The following TBC1D12 variants were observed in gnomAD, a reference collection of about 807,000 sequenced individuals.
The protein encoded by TBC1D12 is TBC1 domain family, member 12.
Under a neutral mutation model 86.7 loss-of-function variants are expected in TBC1D12, and 56 were observed. That is an observed-to-expected ratio of 0.65 (90% confidence interval 0.52 to 0.81). TBC1D12 has a LOEUF of 0.81. Ranked by LOEUF, TBC1D12 falls within the 30% of genes least tolerant of loss-of-function variation. TBC1D12 has a pLI of 0.00. For synonymous variants in TBC1D12, 421 were observed against 411.7 expected, an observed-to-expected ratio of 1.02 and a Z score of -0.27; for missense variants, 1,023 against 1,038.8, an observed-to-expected ratio of 0.98 and a Z score of 0.21.
At chr10:94,472,758 G>C (rs374237341) in intron 2 of TBC1D12, among the ~76,000 whole-genome samples, 8 of 152,110 alleles carry the variant, frequency 5.3e-5, no homozygotes, top group African/African-American at 1.9e-4. Flanking sequence ...AAAGAAATGA[G>C]TGACATTATT....
At chr10:94,512,724 G>C (rs2056541158) in intron 9 of TBC1D12, among the ~76,000 whole-genome samples, 1 of 152,216 alleles carries the variant, frequency 6.6e-6, no homozygotes, top group Admixed American at 6.5e-5. Flanking sequence ...GGGTGGGGCA[G>C]GTTGTAGTAT....
chr10:94,503,524 A>T lies in TBC1D12; in HGVS notation c.1519+3197A>T, dbSNP rs180864743. On this transcript the variant is annotated intron_variant, in intron 6 of 12. Coordinates refer to ENST00000225235, the MANE Select transcript of TBC1D12 (RefSeq NM_015188.2). ...AAATTAAATGTTTACCCTTTGTCTG[A>T]AAAGCAATGCCAACTTTGGATATTA... Among the ~76,000 whole-genome samples, 1,067 of 152,354 alleles carry T rather than the reference A, an allele frequency of 7.0e-3. 5 individuals are homozygous for T. Among genetic ancestry groups the T allele is most frequent in the Non-Finnish European group, 0.012 (818 of 68,036 alleles).
intron 5 of TBC1D12, among the ~76,000 whole-genome samples, chr10:94,498,164 C>T (rs549694589): frequency 1.7e-3 from 263 of 152,010 alleles, no homozygotes; most frequent in African/African-American, 5.9e-3. Flanking sequence ...AATTGTAAGA[C>T]GCACTATTGA....
At chr10:94,520,300 C>T (rs904917338) in intron 9 of TBC1D12, among the ~76,000 whole-genome samples, 1 of 151,868 alleles carries the variant, frequency 6.6e-6, no homozygotes, top group Admixed American at 6.6e-5. Context: ...CGCCTGTAAT[C>T]CCAGCACTTT....
At chr10:94,454,462 C>T (rs531116957) in intron 2 of TBC1D12, among the ~76,000 whole-genome samples, 3 of 152,282 alleles carry the variant, frequency 2.0e-5, no homozygotes, top group African/African-American at 4.8e-5. Context: ...CCACCCGCCT[C>T]GGCCTCCCAA....
chr10:94,437,179 T>G (rs890390259), intron 1 of TBC1D12, among the ~76,000 whole-genome samples: 2 of 152,168 alleles, frequency 1.3e-5, no homozygotes, highest in African/African-American at 4.8e-5. Flanking sequence ...TACCTCTCAC[T>G]TATTGTTTTC....
chr10:94,467,218 C>T (rs946392516), intron 2 of TBC1D12, among the ~76,000 whole-genome samples: 2 of 151,624 alleles, frequency 1.3e-5, no homozygotes, highest in Admixed American at 6.6e-5. Flanking sequence ...AGTGTGTAGT[C>T]GAGTTTTTTT....
intron 1 of TBC1D12, among the ~76,000 whole-genome samples, chr10:94,406,175 A>G (rs1044198395): frequency 3.3e-5 from 5 of 151,960 alleles, no homozygotes; most frequent in African/African-American, 9.7e-5. Flanking sequence ...TTTTTCTTTC[A>G]TTTCCCATGT....
intron 1 of TBC1D12, among the ~76,000 whole-genome samples, chr10:94,425,276 G>A (rs1399716277): frequency 6.6e-6 from 1 of 152,100 alleles, no homozygotes; most frequent in Non-Finnish European, 1.5e-5. Flanking sequence ...TTTTTGGCGT[G>A]ATGGAAGTGT....
At chr10:94,489,383 G>A (rs2056215512) in intron 3 of TBC1D12, among the ~76,000 whole-genome samples, 1 of 152,226 alleles carries the variant, frequency 6.6e-6, no homozygotes, top group African/African-American at 2.4e-5. Context: ...ACTGCCAGGG[G>A]TTGGGGGAGG....
At chr10:94,521,861 T>C in intron 9 of TBC1D12, 94 bp from the exon 10 acceptor site, 5 of 1,145,896 alleles carry the variant, frequency 4.4e-6, no homozygotes, top group Non-Finnish European at 5.8e-6. Context: ...TTCTACTTTG[T>C]AATGTCACTG....
At chr10:94,493,493 GAA>G (rs1187778138) in intron 4 of TBC1D12, 46 bp downstream of exon 4, 1 of 1,281,176 alleles carries the variant, frequency 7.8e-7, no homozygotes, top group South Asian at 1.3e-5. Flanking sequence ...ATTTTAATAA[GAA>G]GATGGATGGT....
Position 94,460,216 on chromosome 10 carries a change from G to T in TBC1D12, c.1096-14452G>T, listed in dbSNP as rs371089882. Among the ~76,000 whole-genome samples, 19 of 152,124 alleles carry T rather than the reference G, an allele frequency of 1.2e-4. No individual in the cohort carries two copies. In the East Asian group the frequency reaches 3.5e-3, roughly 28 times the overall value. On this transcript the variant is annotated intron_variant, in intron 2 of 12. Transcript: ENST00000225235. ...GATCACGCCACTGCACTCCAGCGTG[G>T]GTGACAGAACAAGATTCCATCTCAA...
At chr10:94,504,638 T>A (rs2056438518) in intron 6 of TBC1D12, among the ~76,000 whole-genome samples, 1 of 152,216 alleles carries the variant, frequency 6.6e-6, no homozygotes, top group Admixed American at 6.5e-5. Context: ...GGTTCAAATC[T>A]TGGTTCCACC....
chr10:94,490,439 G>T (rs933428879), intron 3 of TBC1D12, among the ~76,000 whole-genome samples: 14 of 152,102 alleles, frequency 9.2e-5, no homozygotes, highest in Non-Finnish European at 8.8e-5. Flanking sequence ...GTATAGTAAG[G>T]TATGCCTATA....
intron 5 of TBC1D12, among the ~76,000 whole-genome samples, chr10:94,499,681 A>G (rs1007951964): frequency 6.6e-6 from 1 of 152,182 alleles, no homozygotes; most frequent in East Asian, 1.9e-4. Flanking sequence ...TAGAACTTTT[A>G]TAAGGTGTAT....
intron 5 of TBC1D12, among the ~76,000 whole-genome samples, chr10:94,498,354 A>G (rs2056351605): frequency 1.3e-5 from 2 of 152,190 alleles, no homozygotes. Context: ...TTGCCTTTGC[A>G]TTTATTTATT....
intron 2 of TBC1D12, among the ~76,000 whole-genome samples, chr10:94,442,780 T>G (rs1170061693): frequency 6.6e-6 from 1 of 152,184 alleles, no homozygotes; most frequent in Non-Finnish European, 1.5e-5. Flanking sequence ...CAGCTAGCAT[T>G]TATAAAAACA....
At chr10:94,525,512 G>A (rs1192844741) in intron 11 of TBC1D12, among the ~76,000 whole-genome samples, 3 of 151,720 alleles carry the variant, frequency 2.0e-5, no homozygotes, top group Non-Finnish European at 4.4e-5. Flanking sequence ...GCTGAGGCAC[G>A]AGAATTGCTT....
Sources: allele counts gnomAD v4.1 joint callset (sites outside exome capture counted in the v4.1 genomes callset), GRCh38; gene constraint gnomAD v4.1.1; transcripts MANE v1.5; gene names NCBI Gene and HGNC (gene_info 2026-07-23, HGNC 2026-07-21).